The following POLA2 variants were observed in gnomAD, a reference collection of about 807,000 sequenced individuals.
POLA2 encodes the protein DNA polymerase alpha subunit B.
Under a neutral mutation model 82.8 loss-of-function variants are expected in POLA2, and 47 were observed. The ratio of observed to expected loss-of-function variants is 0.57; its 90% CI spans 0.45 to 0.72. POLA2 has a LOEUF of 0.72. Among genes scored for constraint, POLA2 ranks in the 30% least tolerant of loss-of-function variants. The pLI is 0.00. For missense variants in POLA2, 634 were observed against 728.1 expected (o/e 0.87, Z 1.49); for synonymous variants, 287 against 286.8 (o/e 1.00, Z -0.01).
intron 10 of POLA2, among the ~76,000 whole-genome samples, chr11:65,283,621 C>T (rs1590903044): frequency 6.6e-6 from 1 of 151,952 alleles, no homozygotes; most frequent in Non-Finnish European, 1.5e-5. Context: ...AGGCGTACAC[C>T]ACACCCGGCT....
intron 10 of POLA2, among the ~76,000 whole-genome samples, chr11:65,284,376 C>T (rs527648758): frequency 2.2e-4 from 33 of 151,890 alleles, no homozygotes; most frequent in African/African-American, 7.2e-4. Context: ...CCACTACTTG[C>T]GAGGCTGAAG....
chr11:65,294,488 G>A, intron 14 of POLA2, 58 bp from the exon 15 acceptor site: 1 of 1,463,212 alleles, frequency 6.8e-7, no homozygotes, highest in South Asian at 1.2e-5. Context: ...CCACTTTCAT[G>A]GGAAGATGTT....
At chr11:65,300,387 G>C (rs1307095485), downstream of POLA2, among the ~76,000 whole-genome samples, 1 of 151,654 alleles carries the variant, frequency 6.6e-6, no homozygotes, top group Admixed American at 6.6e-5. Context: ...GTAAAGACAG[G>C]GTTTTGCCAT....
At chr11:65,267,793 AT>A (rs201382452) in intron 3 of POLA2, among the ~76,000 whole-genome samples, 555 of 144,520 alleles carry the variant, frequency 3.8e-3, no homozygotes, top group Admixed American at 5.7e-3. Context: ...AAAAGTACAA[AT>A]TTTTTTTTTT....
At position 65,289,054 on chromosome 11, in the gene POLA2, G is replaced by T. The variant is rs1949727707; in HGVS notation, c.1136G>T (p.Gly379Val). The change falls in exon 12 of 18, where the codon GGC becomes GTC. Residue 379 changes from glycine to valine, a missense_variant. Gly to Val is a moderately radical substitution (Grantham distance 109, BLOSUM62 -3). Transcript: ENST00000265465. ...TCTTTGTTTCTCCCCTTGCAGTTTG[G>T]CCCTTTCCTGGATGCTAAGCATGAA... Reference protein sequence around the residue: ...HDRPDVCILFGPFLDAKHEQV... With the variant: ...HDRPDVCILFVPFLDAKHEQV... 6.2e-7 allele frequency: 1 copy of T among 1,613,420 alleles called. No individual in the cohort carries two copies. The highest frequency in any genetic ancestry group is 1.7e-5 in the Admixed American group (1 of 59,946).
At chr11:65,289,921 C>A in intron 13 of POLA2, 49 bp downstream of exon 13, 1 of 1,222,766 alleles carries the variant, frequency 8.2e-7, no homozygotes. Flanking sequence ...TAGGTTTCTC[C>A]AGAGCTTCCC....
At chr11:65,263,086 G>A (rs1949417220) in intron 1 of POLA2, among the ~76,000 whole-genome samples, 1 of 152,066 alleles carries the variant, frequency 6.6e-6, no homozygotes, top group African/African-American at 2.4e-5. Flanking sequence ...GTATGAATGT[G>A]CACCTGCCTT....
At chr11:65,286,712 A>G (rs944909544) in intron 10 of POLA2, among the ~76,000 whole-genome samples, 5 of 152,168 alleles carry the variant, frequency 3.3e-5, no homozygotes, top group Non-Finnish European at 5.9e-5. Context: ...GTTTTAAGGC[A>G]CTAAGTTTGT....
chr11:65,269,686 A>C (rs1372216200), intron 4 of POLA2, among the ~76,000 whole-genome samples: 1 of 152,246 alleles, frequency 6.6e-6, no homozygotes, highest in Non-Finnish European at 1.5e-5. Flanking sequence ...AGTAATGGTA[A>C]CTATTCTTTA....
At chr11:65,290,988 T>C (rs1949749559) in intron 13 of POLA2, among the ~76,000 whole-genome samples, 1 of 152,232 alleles carries the variant, frequency 6.6e-6, no homozygotes, top group African/African-American at 2.4e-5. Flanking sequence ...CGGAAGGAAC[T>C]GTGAGAGGTT....
chr11:65,281,822 G>A, intron 9 of POLA2, 90 bp downstream of exon 9: 2 of 1,043,190 alleles, frequency 1.9e-6, no homozygotes, highest in Non-Finnish European at 3.0e-6. Context: ...TCCTTTTTAG[G>A]AGCCCATTTA....
At chr11:65,290,638 A>G (rs1239772247) in intron 13 of POLA2, among the ~76,000 whole-genome samples, 7 of 152,204 alleles carry the variant, frequency 4.6e-5, no homozygotes, top group Admixed American at 4.6e-4. Flanking sequence ...GCATCTCTGT[A>G]AAACACAAAG....
chr11:65,285,114 A>G (rs1949682297), intron 10 of POLA2, among the ~76,000 whole-genome samples: 1 of 152,036 alleles, frequency 6.6e-6, no homozygotes, highest in Non-Finnish European at 1.5e-5. Context: ...TACAAAAAGT[A>G]CAAAAATTAG....
chr11:65,290,895 G>A (rs886201837), intron 13 of POLA2, among the ~76,000 whole-genome samples: 6 of 152,204 alleles, frequency 3.9e-5, no homozygotes, highest in Non-Finnish European at 5.9e-5. Flanking sequence ...CCCAGGGTGC[G>A]TGGGAAGCTG....
rs537778442 is a variant in POLA2, at chr11:65,273,011, CA to C, written c.355-2869del. Among the ~76,000 whole-genome samples, 234 of 129,272 alleles carry C rather than the reference CA, an allele frequency of 1.8e-3. 3 individuals carry two copies. In the South Asian group the frequency reaches 0.018, roughly 10 times the overall value. 84.8% of individuals were successfully genotyped at this position (129,272 alleles called of 152,430 possible). A position where few individuals can be genotyped will look rare whatever the true frequency, so the allele number is the denominator to read the frequency against. On this transcript the variant is annotated intron_variant, in intron 4 of 17. Coordinates refer to ENST00000265465, the MANE Select transcript of POLA2 (RefSeq NM_002689.4). ...GGGCAATCAGAGCAAAACTCCATCTCAAAAAAAAAAAAGAAAAGATGAAACT... is the reference window on the plus strand; with the variant it reads ...GGGCAATCAGAGCAAAACTCCATCTCAAAAAAAAAAAGAAAAGATGAAACT...
chr11:65,272,379 G>A (rs1220976237), intron 4 of POLA2, among the ~76,000 whole-genome samples: 1 of 152,184 alleles, frequency 6.6e-6, no homozygotes, highest in Non-Finnish European at 1.5e-5. Flanking sequence ...CCTGACCCTT[G>A]TCAGGTCTTG....
intron 10 of POLA2, among the ~76,000 whole-genome samples, chr11:65,284,443 T>G (rs547484216): frequency 6.6e-6 from 1 of 152,152 alleles, no homozygotes; most frequent in South Asian, 2.1e-4. Context: ...GATTGTGCCA[T>G]TGCACTCCAG....
chr11:65,278,972 A>G, intron 6 of POLA2, 49 bp downstream of exon 6: 1 of 1,522,658 alleles, frequency 6.6e-7, no homozygotes, highest in Non-Finnish European at 9.0e-7. Context: ...ACCACCTAGA[A>G]GGGTGTAGAG....
At chr11:65,262,993 G>A (rs1241412894) in intron 1 of POLA2, among the ~76,000 whole-genome samples, 2 of 152,042 alleles carry the variant, frequency 1.3e-5, no homozygotes, top group African/African-American at 4.8e-5. Flanking sequence ...GCATCATACG[G>A]GTCCATCGTG....
Sources: gnomAD v4.1 joint callset for allele counts (sites outside exome capture counted in the v4.1 genomes callset) on GRCh38, gnomAD v4.1.1 for gene constraint, MANE v1.5 for transcripts, NCBI Gene and HGNC (gene_info 2026-07-23, HGNC 2026-07-21) for gene names.